The following ERI1 variants were observed in gnomAD, a reference collection of about 807,000 sequenced individuals.
ERI1 encodes exoribonuclease 1, also known as 3'-5' exoribonuclease 1.
ERI1 carries 39 observed loss-of-function variants against 39.7 expected under a neutral mutation model. The observed-to-expected ratio is 0.98, with a 90% CI of 0.76 to 1.28. ERI1 has a LOEUF of 1.28. Ranked by LOEUF, ERI1 falls within the 50% of genes most tolerant of loss-of-function variation. The pLI is 0.00. For missense variants in ERI1, 581 were observed against 416.9 expected (o/e 1.39, Z -3.43); for synonymous variants, 204 against 149.6 (o/e 1.36, Z -2.65).
At chr8:9,029,522 G>A (rs543147102) in intron 6 of ERI1, among the ~76,000 whole-genome samples, 2 of 152,026 alleles carry the variant, frequency 1.3e-5, no homozygotes, top group South Asian at 2.1e-4. Flanking sequence ...GAAGAGATGG[G>A]GTGTCACCAT....
Position 9,016,177 on chromosome 8 carries a change from G to A in ERI1, c.499-145G>A, listed in dbSNP as rs182713513. ...TTTAAAAATTAAGAGTGCTTTCGAT[G>A]TGGGGAATTATTCTTAAAAACTGGA... On this transcript the variant is annotated intron_variant, in intron 3 of 6. Transcript: ENST00000250263. 431 of 431,390 alleles carry A rather than the reference G, an allele frequency of 1.0e-3. 3 individuals carry two copies. Among genetic ancestry groups the A allele is most frequent in the African/African-American group, 6.9e-3 (340 of 49,614 alleles). 26.7% of individuals were successfully genotyped at this position (431,390 alleles called of 1,614,324 possible). A position where few individuals can be genotyped will look rare whatever the true frequency, so the allele number is the denominator to read the frequency against.
At chr8:9,018,173 C>A (rs969007830) in intron 4 of ERI1, 124 bp from the exon 5 acceptor site, 2 of 516,144 alleles carry the variant, frequency 3.9e-6, no homozygotes, top group Non-Finnish European at 3.5e-6. Flanking sequence ...CCAAGGAAAC[C>A]ATGAATTTAA....
intron 3 of ERI1, among the ~76,000 whole-genome samples, chr8:9,091,983 G>A (rs1799720446): frequency 6.6e-6 from 1 of 152,096 alleles, no homozygotes; most frequent in Non-Finnish European, 1.5e-5. Flanking sequence ...TTGAGACAGG[G>A]TCTCACTCTG....
chr8:9,011,510 C>G (rs761566924), intron 2 of ERI1, 32 bp from the exon 3 acceptor site: 16 of 1,459,768 alleles, frequency 1.1e-5, no homozygotes, highest in African/African-American at 2.8e-5. Context: ...TAGAATTTAC[C>G]TAAGTGTAAC....
rs778812032 is a variant in ERI1, at chr8:9,029,933, C to T, written c.949C>T (p.Arg317Ter). 17 of 1,613,930 alleles carry T rather than the reference C, an allele frequency of 1.1e-5. No individual in the cohort carries two copies. Among genetic ancestry groups the T allele is most frequent in the East Asian group, 8.9e-5 (4 of 44,884 alleles). The change falls in exon 7 of 7, where the codon CGA (arginine) becomes TGA (stop). Residue 317 changes from arginine (R) to a stop codon, truncating the protein, a stop_gained. Transcript: ENST00000250263. LOFTEE classifies it high-confidence loss of function. ...VRMLQDGCEL[R>*]INEKMHAGQL... The stretch of plus-strand genomic sequence containing the variant: ...AATGCTTCAGGATGGGTGTGAACTC[C>T]GAATCAACGAGAAAATGCATGCAGG...
At chr8:9,023,514 C>G (rs73197706) in intron 6 of ERI1, among the ~76,000 whole-genome samples, 4,643 of 152,042 alleles carry the variant, frequency 0.031, 106 homozygotes, top group Non-Finnish European at 0.046. Context: ...ATAAAATGCT[C>G]CCTCCTTTTT....
chr8:9,003,223 A>G (rs1329999529), intron 1 of ERI1, 52 bp downstream of exon 1: 5 of 1,136,888 alleles, frequency 4.4e-6, no homozygotes, highest in South Asian at 4.4e-5. Flanking sequence ...CCGTCCCCAA[A>G]GCGCCCTCGG....
In ERI1 at chr8:9,049,963, G is replaced by A. The variant is rs970523858; in HGVS notation, n.299+29499G>A. On this transcript the variant is annotated intron_variant and non_coding_transcript_variant, in intron 3 of 3. Transcript: ENST00000518663. ...AGTTCCTCCCTCTGTTGATTCATTT[G>A]GCTAGGATGAGTTCTAGACCTGAAC... The A allele has an allele frequency of 2.0e-5, 3 of 152,248 alleles. No homozygotes were observed. In the East Asian group the frequency reaches 5.8e-4, roughly 29 times the overall value. The allele number at this position is 152,248 out of a possible 1,614,324, so 9.4% of individuals were successfully genotyped here.
chr8:9,012,281 C>G (rs917856398), intron 3 of ERI1, among the ~76,000 whole-genome samples: 1 of 152,158 alleles, frequency 6.6e-6, no homozygotes, highest in African/African-American at 2.4e-5. Flanking sequence ...CTCATATAAC[C>G]CTGGTTTCTA....
chr8:9,056,017 G>T (rs977781027), intron 3 of ERI1, among the ~76,000 whole-genome samples: 12 of 152,154 alleles, frequency 7.9e-5, no homozygotes, highest in African/African-American at 2.9e-4. Flanking sequence ...TTCACTTTGG[G>T]GCATCACTTT....
At chr8:9,063,564 G>A (rs1352179445) in intron 3 of ERI1, among the ~76,000 whole-genome samples, 1 of 152,106 alleles carries the variant, frequency 6.6e-6, no homozygotes. Context: ...AGGAAGATTA[G>A]AAAGACTCAG....
intron 3 of ERI1, among the ~76,000 whole-genome samples, chr8:9,014,911 C>T (rs1157368897): frequency 6.6e-6 from 1 of 152,104 alleles, no homozygotes; most frequent in African/African-American, 2.4e-5. Context: ...AATCTCGGCT[C>T]ACTGCAACCT....
At chr8:9,060,428 T>C (rs1325596688) in intron 3 of ERI1, among the ~76,000 whole-genome samples, 1 of 151,940 alleles carries the variant, frequency 6.6e-6, no homozygotes, top group African/African-American at 2.4e-5. Context: ...ATCTCCAAGC[T>C]TGATGTGTAG....
intron 3 of ERI1, among the ~76,000 whole-genome samples, chr8:9,012,227 CTT>C (rs1437151044): frequency 6.6e-6 from 1 of 152,158 alleles, no homozygotes. Flanking sequence ...ACAAAAATGA[CTT>C]TTGAACCTCT....
chr8:9,007,671 A>T (rs1816165063), intron 1 of ERI1, among the ~76,000 whole-genome samples: 1 of 152,192 alleles, frequency 6.6e-6, no homozygotes, highest in Admixed American at 6.5e-5. Context: ...TCTAGTAAAT[A>T]GTCAGCTGGG....
At chr8:9,019,604 A>G (rs1817672790) in intron 5 of ERI1, among the ~76,000 whole-genome samples, 1 of 152,166 alleles carries the variant, frequency 6.6e-6, no homozygotes, top group Admixed American at 6.5e-5. Flanking sequence ...AGCCCAGGCA[A>G]GCAGCTCAGG....
intron 5 of ERI1, 104 bp downstream of exon 5, chr8:9,018,510 C>T: frequency 1.5e-6 from 1 of 653,318 alleles, no homozygotes; most frequent in East Asian, 2.8e-5. Context: ...ATTAGAGACC[C>T]TAGAGTCTCA....
intron 3 of ERI1, among the ~76,000 whole-genome samples, chr8:9,012,271 C>G (rs1301326698): frequency 6.6e-6 from 1 of 152,144 alleles, no homozygotes; most frequent in Non-Finnish European, 1.5e-5. Flanking sequence ...GGTGAAATGA[C>G]TCATATAACC....
At chr8:9,009,007 T>A in intron 2 of ERI1, 1 of 456,262 alleles carries the variant, frequency 2.2e-6, no homozygotes, top group South Asian at 1.5e-5. Context: ...TGACTCCTAT[T>A]TCCCCGATTC....
Sources: allele counts gnomAD v4.1 joint callset (sites outside exome capture counted in the v4.1 genomes callset), GRCh38; gene constraint gnomAD v4.1.1; transcripts MANE v1.5; gene names NCBI Gene and HGNC (gene_info 2026-07-23, HGNC 2026-07-21).